PNCK: variants seen among roughly 807,000 people sequenced by gnomAD.
PNCK encodes the protein pregnancy up-regulated nonubiquitous CaM kinase, also known as calcium/calmodulin-dependent protein kinase type 1B.
Under a neutral mutation model 28.3 loss-of-function variants are expected in PNCK, and 21 were observed. The ratio of observed to expected loss-of-function variants is 0.74; its 90% confidence interval spans 0.53 to 1.07. The LOEUF (loss-of-function observed/expected upper bound fraction) is 1.07. PNCK is among the 50% of genes least tolerant of loss of function. The pLI is 0.00. For missense variants in PNCK, 250 were observed against 298.3 expected, an observed-to-expected ratio of 0.84 and a Z score of 1.19; for synonymous variants, 136 against 125.2, an observed-to-expected ratio of 1.09 and a Z score of -0.58.
chrX:153,682,687 C>T (rs1220335355), intron 1 of PNCK, among the ~76,000 whole-genome samples: 1 of 111,698 alleles, frequency 9.0e-6, no homozygotes, highest in Non-Finnish European at 1.9e-5. Flanking sequence ...AACTGATGTA[C>T]TTTGTAATCT....
chrX:153,685,379 G>A (rs1164090246), intron 1 of PNCK, among the ~76,000 whole-genome samples: 1 of 111,012 alleles, frequency 9.0e-6, no homozygotes, highest in Non-Finnish European at 1.9e-5. Context: ...TGGCCGCCCG[G>A]GTCAGAGCCT....
At chrX:153,673,218 A>G in intron 1 of PNCK, 140 bp from the exon 2 acceptor site, 1 of 1,176,947 alleles carries the variant, frequency 8.5e-7, no homozygotes, top group Non-Finnish European at 1.1e-6. Flanking sequence ...GTCCAGGTCC[A>G]CACCCCCAGA....
At chrX:153,680,890 G>A (rs782426477) in intron 1 of PNCK, among the ~76,000 whole-genome samples, 10 of 108,824 alleles carry the variant, frequency 9.2e-5, no homozygotes, top group Admixed American at 5.9e-4. Flanking sequence ...TTAGCCGGGC[G>A]TGGTGGTGGG....
In PNCK at chrX:153,671,059, G is replaced by T; in HGVS notation, c.727+19C>A. ...ACTCCCTTGCATCACCTCCAAGCAC[G>T]GGCCAGCCTCAAGCTCACCTGATTC... is the stretch of plus-strand genomic sequence containing the variant. On this transcript the variant is annotated intron_variant, in intron 8 of 11. Coordinates refer to ENST00000340888, the MANE Select transcript of PNCK (RefSeq NM_001366977.1). 1 of 1,211,904 alleles carries T rather than the reference G, an allele frequency of 8.3e-7. No individual in the cohort carries two copies. Among genetic ancestry groups the T allele is most frequent in the Non-Finnish European group, 1.1e-6 (1 of 895,390 alleles).
Position 153,672,060 on chromosome X carries a change from G to A in PNCK, c.276-42C>T, listed in dbSNP as rs1181784401. 2.0e-5 allele frequency: 24 copies of A among 1,201,910 alleles called. No individual in the cohort carries two copies. The highest frequency in any genetic ancestry group is 2.7e-5 in the Non-Finnish European group (24 of 889,969). ...TTTGGCTGACCCAGGCACTCAGCCT[G>A]GCCTTCAGCCCCACTCACTGCTCAG... On this transcript the variant is annotated intron_variant, in intron 4 of 11. Transcript: ENST00000340888.
upstream of PNCK, chrX:153,675,093 T>C (rs1557041354): frequency 9.0e-6 from 1 of 111,088 alleles, no homozygotes; most frequent in Non-Finnish European, 1.9e-5. Context: ...GGGACCGACA[T>C]CTAAAACAGA....
chrX:153,685,344 G>C (rs1557043020), intron 1 of PNCK, among the ~76,000 whole-genome samples: 1 of 111,236 alleles, frequency 9.0e-6, no homozygotes, highest in African/African-American at 3.3e-5. Context: ...CAGCTCGTGG[G>C]AGCAGCCTCA....
rs1557040426 is a variant in PNCK, at chrX:153,672,713, C to T, written c.69-16G>A. 9.2e-6 allele frequency: 11 copies of T among 1,191,405 alleles called. No individual in the cohort carries two copies. Among genetic ancestry groups the T allele is most frequent in the Admixed American group, 6.6e-5 (3 of 45,335 alleles). ...GAAGGCACCCCTGCCGCAGACGGGG[C>T]GGTGGGAGGTGGGAAGGAAGTGGGA... On this transcript the variant is annotated splice_polypyrimidine_tract_variant and intron_variant, in intron 2 of 11. Coordinates refer to ENST00000340888, the MANE Select transcript of PNCK (RefSeq NM_001366977.1).
At chrX:153,674,289 T>C, upstream of PNCK, 2 of 984,950 alleles carry the variant, frequency 2.0e-6, no homozygotes, top group Non-Finnish European at 1.4e-6. Flanking sequence ...CTTTCTTCTC[T>C]ACCCAGCAGC....
chrX:153,671,020 C>G (rs919448037), intron 8 of PNCK, 24 bp from the exon 9 acceptor site: 23 of 1,212,027 alleles, frequency 1.9e-5, no homozygotes, highest in Non-Finnish European at 2.3e-5. Context: ...GCTGGGTCAG[C>G]CTGTCAGGTC....
chrX:153,670,877 G>T (rs6643758), intron 9 of PNCK, 41 bp downstream of exon 9: 90,019 of 1,208,698 alleles, frequency 0.074, 7,392 homozygotes, highest in African/African-American at 0.54. Flanking sequence ...GCAAATGCAG[G>T]CCCCCTGGCC....
chrX:153,672,996 C>T lies in PNCK; in HGVS notation c.68+13G>A, dbSNP rs367786216. 5.1e-4 allele frequency: 601 copies of T among 1,172,460 alleles called. 4 individuals carry two copies. The African/African-American group carries it at 9.8e-3, about 19-fold the overall frequency. On this transcript the variant is annotated intron_variant, in intron 2 of 11. Transcript: ENST00000340888. The stretch of plus-strand genomic sequence containing the variant: ...ACACACACACACGATCACACACGCG[C>T]GCGCACACTCACGAGCCGAGCCTCT...
intron 1 of PNCK, among the ~76,000 whole-genome samples, chrX:153,682,209 T>C (rs5987130): frequency 1.8e-5 from 2 of 110,663 alleles, no homozygotes; most frequent in Non-Finnish European, 3.8e-5. Flanking sequence ...GGCTGGTCTC[T>C]AACTCCTGAC....
upstream of PNCK, chrX:153,674,082 A>G (rs782444002): frequency 7.2e-5 from 87 of 1,208,308 alleles, no homozygotes; most frequent in Non-Finnish European, 5.3e-5. Flanking sequence ...CTCTTCGGCC[A>G]CAGGTCGGCA....
chrX:153,681,899 C>T (rs1265011129), intron 1 of PNCK, among the ~76,000 whole-genome samples: 1 of 111,764 alleles, frequency 8.9e-6, no homozygotes, highest in Non-Finnish European at 1.9e-5. Context: ...ACAACGTTCA[C>T]TATTCAGGTT....
At chrX:153,684,704 C>T (rs1251798572) in intron 1 of PNCK, among the ~76,000 whole-genome samples, 3 of 111,380 alleles carry the variant, frequency 2.7e-5, no homozygotes, top group African/African-American at 9.8e-5. Flanking sequence ...CCCCAGGGCC[C>T]GGTGGCCCCT....
Position 153,670,852 on chromosome X carries a change from A to AG in PNCK, c.807-22dup, listed in dbSNP as rs781844846. ...AGATCCTGGGGAAAGGCTGAAGGTC[A>AG]GGGGGGGTCTCTCTGCAAATGCAGG... On this transcript the variant is annotated intron_variant, in intron 9 of 11. Transcript: ENST00000340888. 233 of 1,208,798 alleles carry AG rather than the reference A, an allele frequency of 1.9e-4. 1 individual carries two copies. Among genetic ancestry groups the AG allele is most frequent in the East Asian group, 1.8e-4 (6 of 33,736 alleles).
chrX:153,671,770 C>G (rs950814949), intron 5 of PNCK, 98 bp from the exon 6 acceptor site: 7 of 1,166,031 alleles, frequency 6.0e-6, no homozygotes, highest in South Asian at 2.0e-5. Flanking sequence ...TTCCCCAGAG[C>G]CTTGGTGGAG....
chrX:153,680,354 C>G (rs1409073698), intron 1 of PNCK, among the ~76,000 whole-genome samples: 3 of 104,817 alleles, frequency 2.9e-5, no homozygotes, highest in Non-Finnish European at 5.8e-5. Context: ...TTGAAAGAGT[C>G]TAGCACCTCC....
Sources: allele counts gnomAD v4.1 joint callset (sites outside exome capture counted in the v4.1 genomes callset), GRCh38; gene constraint gnomAD v4.1.1; transcripts MANE v1.5; gene names NCBI Gene and HGNC (gene_info 2026-07-23, HGNC 2026-07-21).